Variants in GBE1 observed in about 807,000 individuals in gnomAD.
The protein encoded by GBE1 is 1,4-alpha-glucan branching enzyme 1.
Under a neutral mutation model 88.8 loss-of-function variants are expected in GBE1, and 70 were observed. The observed-to-expected ratio is 0.79, with a 90% CI of 0.65 to 0.96. The LOEUF is 0.96. GBE1 is among the 40% of genes least tolerant of loss of function. The probability of loss-of-function intolerance (pLI) is 0.00; values close to 1 mark genes in which losing one functional copy is unlikely to be tolerated. For synonymous variants in GBE1, 284 were observed against 300.1 expected (o/e 0.95, Z 0.56); for missense variants, 872 against 871.0 (o/e 1.00, Z -0.01).
chr3:81,752,491 AAGAC>A (rs1307548813), intron 1 of GBE1, among the ~76,000 whole-genome samples: 1 of 152,164 alleles, frequency 6.6e-6, no homozygotes, highest in Admixed American at 6.5e-5. Flanking sequence ...AGAAAAGAAA[AAGAC>A]AGAAAAGGAA....
At chr3:81,557,997 G>A (rs553180018) in intron 12 of GBE1, among the ~76,000 whole-genome samples, 5 of 152,106 alleles carry the variant, frequency 3.3e-5, no homozygotes, top group East Asian at 1.9e-4. Flanking sequence ...ATTGTGAGAC[G>A]GCATCAGGGA....
At chr3:81,581,337 A>G in intron 10 of GBE1, 62 bp from the exon 11 acceptor site, 1 of 947,898 alleles carries the variant, frequency 1.1e-6, no homozygotes, top group South Asian at 1.6e-5. Flanking sequence ...TTTTTAAATC[A>G]CAATCTGAAG....
chr3:81,641,058 C>A (rs1704671405), intron 7 of GBE1, among the ~76,000 whole-genome samples: 1 of 151,928 alleles, frequency 6.6e-6, no homozygotes, highest in Non-Finnish European at 1.5e-5. Context: ...CACTTTGGTA[C>A]AACAAGGTAC....
At chr3:81,572,149 C>T (rs900690785) in intron 12 of GBE1, among the ~76,000 whole-genome samples, 9 of 152,140 alleles carry the variant, frequency 5.9e-5, no homozygotes, top group Non-Finnish European at 1.3e-4. Context: ...TTTCTCCTTC[C>T]TGCAGCCTTG....
At chr3:81,530,355 G>C (rs553305689) in intron 14 of GBE1, among the ~76,000 whole-genome samples, 2 of 151,598 alleles carry the variant, frequency 1.3e-5, no homozygotes, top group East Asian at 1.9e-4. Flanking sequence ...TGTTTGGTGA[G>C]GTCATGATTT....
intron 3 of GBE1, among the ~76,000 whole-genome samples, chr3:81,663,784 C>G (rs1705065755): frequency 2.0e-5 from 3 of 152,194 alleles, no homozygotes; most frequent in Admixed American, 1.3e-4. Flanking sequence ...AGCCCCACAG[C>G]CTGCCCGTCT....
chr3:81,737,305 ATATATT>A (rs1377072897), intron 1 of GBE1, among the ~76,000 whole-genome samples: 3 of 98,524 alleles, frequency 3.0e-5, no homozygotes, highest in African/African-American at 1.4e-4. Context: ...TTATATAAAT[ATATATT>A]TATATATATT....
In GBE1 at chr3:81,530,913, T is replaced by C. The variant is rs73853348; in HGVS notation, c.1934+4282A>G. Among the ~76,000 whole-genome samples, 1,235 of 151,854 alleles carry C rather than the reference T, an allele frequency of 8.1e-3. 24 individuals are homozygous for C. Among genetic ancestry groups the C allele is most frequent in the African/African-American group, 0.029 (1,182 of 41,466 alleles). ...CTGGGTCCTTCCCTTTAGGGCAGTA[T>C]GTTCCCTTCTGGCCCAGGGTAGGTC... is the stretch of plus-strand genomic sequence containing the variant. On this transcript the variant is annotated intron_variant, in intron 14 of 15. Transcript: ENST00000429644.
chr3:81,616,891 T>C (rs1576171488), intron 7 of GBE1, among the ~76,000 whole-genome samples: 1 of 152,084 alleles, frequency 6.6e-6, no homozygotes, highest in Non-Finnish European at 1.5e-5. Flanking sequence ...TCATTATACA[T>C]TCCTGTATAT....
chr3:81,642,858 C>G lies in GBE1; in HGVS notation c.915G>C (p.Gly305=). The G allele has an allele frequency of 6.2e-6, 10 of 1,612,922 alleles. No homozygotes were observed. The highest frequency in any genetic ancestry group is 8.5e-6 in the Non-Finnish European group (10 of 1,179,030). The change falls in exon 7 of 16, where the codon GGG becomes GGC. Residue 305 remains glycine, a synonymous_variant. Transcript: ENST00000429644. The part of the protein sequence containing the change: ...NSADGLNMFD[G]TDSCYFHSGP... ...CAGAATGAAAATAACAGGAATCTGT[C>G]CCATCAAACATATTCAATCCATCTG...
At chr3:81,600,203 G>T (rs1009869319) in intron 7 of GBE1, among the ~76,000 whole-genome samples, 1 of 152,144 alleles carries the variant, frequency 6.6e-6, no homozygotes, top group Non-Finnish European at 1.5e-5. Flanking sequence ...GGAGGTTGCA[G>T]TGAGCCGCGA....
intron 3 of GBE1, among the ~76,000 whole-genome samples, chr3:81,654,293 TA>T (rs1239591459): frequency 6.6e-6 from 1 of 151,908 alleles, no homozygotes; most frequent in African/African-American, 2.4e-5. Context: ...ATACACAATA[TA>T]AAAAACAGTA....
At chr3:81,555,531 A>C (rs868628377) in intron 12 of GBE1, among the ~76,000 whole-genome samples, 3 of 152,168 alleles carry the variant, frequency 2.0e-5, no homozygotes, top group South Asian at 4.1e-4. Flanking sequence ...TCATTACTTA[A>C]ATTATGCCAT....
intron 7 of GBE1, among the ~76,000 whole-genome samples, chr3:81,637,514 T>A (rs954198735): frequency 4.6e-5 from 7 of 152,174 alleles, no homozygotes; most frequent in Non-Finnish European, 7.4e-5. Context: ...GCATAGTATA[T>A]GTGTATCTCT....
intron 7 of GBE1, among the ~76,000 whole-genome samples, chr3:81,617,746 G>C (rs1371757834): frequency 6.6e-6 from 1 of 151,854 alleles, no homozygotes; most frequent in Non-Finnish European, 1.5e-5. Flanking sequence ...GAATTGGGTA[G>C]TGTTCCTTCT....
chr3:81,545,698 T>A (rs1703197545), intron 12 of GBE1, among the ~76,000 whole-genome samples: 1 of 152,164 alleles, frequency 6.6e-6, no homozygotes, highest in South Asian at 2.1e-4. Context: ...TCACTTTCCA[T>A]GGTTTCAGTT....
Position 81,716,591 on chromosome 3 carries a change from T to C in GBE1, c.144-10978A>G, listed in dbSNP as rs73853472. 5.1e-3 allele frequency among the ~76,000 whole-genome samples: 769 copies of C among 152,242 alleles called. 2 individuals are homozygous for C. Among genetic ancestry groups the C allele is most frequent in the African/African-American group, 0.018 (738 of 41,562 alleles). The stretch of plus-strand genomic sequence containing the variant: ...CCATTTAGAAATCCTTAAAACTCCA[T>C]TTCTTTTAACAATATTTATTTATAC... On this transcript the variant is annotated intron_variant, in intron 1 of 15. Coordinates refer to ENST00000429644, the MANE Select transcript of GBE1 (RefSeq NM_000158.4).
At chr3:81,677,862 C>T (rs1705283490) in intron 2 of GBE1, among the ~76,000 whole-genome samples, 4 of 152,132 alleles carry the variant, frequency 2.6e-5, no homozygotes, top group Admixed American at 2.6e-4. Context: ...ATTAGTTTAG[C>T]TTAGGTGTGG....
intron 12 of GBE1, among the ~76,000 whole-genome samples, chr3:81,558,737 TA>T (rs1319775331): frequency 1.3e-5 from 2 of 152,128 alleles, no homozygotes; most frequent in Non-Finnish European, 2.9e-5. Flanking sequence ...TTTTCTTCAC[TA>T]AAAAATAATT....
Sources: allele counts gnomAD v4.1 joint callset (sites outside exome capture counted in the v4.1 genomes callset), GRCh38; gene constraint gnomAD v4.1.1; transcripts MANE v1.5; gene names NCBI Gene and HGNC (gene_info 2026-07-23, HGNC 2026-07-21).